The following MAGI1 variants were observed in gnomAD, a reference collection of about 807,000 sequenced individuals.
The protein encoded by MAGI1 is membrane associated guanylate kinase, WW and PDZ domain containing 1, also known as membrane-associated guanylate kinase, WW and PDZ domain-containing protein 1.
In MAGI1, 58 loss-of-function variants were observed where a neutral mutation model predicts 139.9. That is an observed-to-expected ratio of 0.41 (90% CI 0.34 to 0.52). The LOEUF is 0.52. Ranked by LOEUF, MAGI1 falls within the 20% of genes least tolerant of loss-of-function variation. The pLI is 0.12. For missense variants in MAGI1, 1,874 were observed against 1,901.6 expected, an observed-to-expected ratio of 0.99 and a Z score of 0.27; for synonymous variants, 812 against 737.9, an observed-to-expected ratio of 1.10 and a Z score of -1.63.
chr3:65,807,879 T>C (rs1462422698), intron 1 of MAGI1, among the ~76,000 whole-genome samples: 2 of 152,182 alleles, frequency 1.3e-5, no homozygotes, highest in African/African-American at 2.4e-5. Context: ...TTGAGTAAAT[T>C]ATCCAAGATC....
chr3:65,580,317 CCT>C (rs2081359447), intron 2 of MAGI1, among the ~76,000 whole-genome samples: 1 of 109,032 alleles, frequency 9.2e-6, no homozygotes, highest in South Asian at 3.0e-4. Context: ...TCTTTTTTCT[CCT>C]TTTTTTTTTC....
At chr3:65,616,935 C>T (rs1372290443) in intron 2 of MAGI1, among the ~76,000 whole-genome samples, 1 of 152,168 alleles carries the variant, frequency 6.6e-6, no homozygotes, top group Admixed American at 6.6e-5. Flanking sequence ...GGCAAGCCAT[C>T]CTGGAAACAA....
At chr3:65,629,785 C>A (rs559936664) in intron 1 of MAGI1, among the ~76,000 whole-genome samples, 1 of 152,168 alleles carries the variant, frequency 6.6e-6, no homozygotes, top group East Asian at 1.9e-4. Context: ...CAATATAAAT[C>A]ACTGGAGAGT....
chr3:65,429,031 C>T (rs2107333652), intron 12 of MAGI1, among the ~76,000 whole-genome samples: 1 of 152,216 alleles, frequency 6.6e-6, no homozygotes, highest in Middle Eastern at 3.4e-3. Flanking sequence ...AGGAGAGGAA[C>T]ATGAGACAAG....
At chr3:65,376,532 G>A (rs1359972105) in intron 17 of MAGI1, among the ~76,000 whole-genome samples, 1 of 152,188 alleles carries the variant, frequency 6.6e-6, no homozygotes, top group Non-Finnish European at 1.5e-5. Flanking sequence ...CCAGAATGAT[G>A]AAAGCTTTAG....
At chr3:65,401,497 G>A in intron 12 of MAGI1, 27 bp from the exon 13 acceptor site, 5 of 1,609,886 alleles carry the variant, frequency 3.1e-6, no homozygotes, top group East Asian at 2.2e-5. Flanking sequence ...AAGGAGGGGA[G>A]GGGGGAAGAA....
At chr3:66,010,086 A>C (rs1406979222) in intron 1 of MAGI1, among the ~76,000 whole-genome samples, 4 of 145,746 alleles carry the variant, frequency 2.7e-5, no homozygotes, top group African/African-American at 5.4e-5. Context: ...TCAAAAAAAA[A>C]AAAAAAAAAA....
intron 20 of MAGI1, among the ~76,000 whole-genome samples, chr3:65,364,148 G>C (rs1941166124): frequency 7.8e-6 from 1 of 128,092 alleles, no homozygotes; most frequent in Non-Finnish European, 1.6e-5. Context: ...GGGCAGCACA[G>C]TGAGACCCCT....
intron 2 of MAGI1, among the ~76,000 whole-genome samples, chr3:65,568,711 G>A (rs987650085): frequency 6.6e-6 from 1 of 152,210 alleles, no homozygotes; most frequent in African/African-American, 2.4e-5. Flanking sequence ...TTGCTCTAGG[G>A]CTTGAGCCAT....
At chr3:65,916,452 G>T (rs924911371) in intron 1 of MAGI1, among the ~76,000 whole-genome samples, 1 of 152,134 alleles carries the variant, frequency 6.6e-6, no homozygotes. Context: ...CATGGCAGAA[G>T]GCGAAAGGCA....
chr3:65,477,712 T>TTATTATTA (rs72137110), intron 4 of MAGI1, among the ~76,000 whole-genome samples: 64 of 88,666 alleles, frequency 7.2e-4, no homozygotes, highest in East Asian at 4.6e-3. Flanking sequence ...ATTATTATTA[T>TTATTATTA]TTTTTTTTTT....
intron 1 of MAGI1, among the ~76,000 whole-genome samples, chr3:65,744,629 A>G (rs2035544082): frequency 6.6e-6 from 1 of 152,160 alleles, no homozygotes; most frequent in African/African-American, 2.4e-5. Flanking sequence ...GAAGATATAG[A>G]CTATATTATA....
intron 2 of MAGI1, among the ~76,000 whole-genome samples, chr3:65,603,254 C>G (rs1324009430): frequency 1.3e-5 from 2 of 152,006 alleles, no homozygotes; most frequent in African/African-American, 4.8e-5. Context: ...TATATATTTT[C>G]TACAGGTTCA....
At chr3:65,925,478 T>C (rs932671976) in intron 1 of MAGI1, among the ~76,000 whole-genome samples, 1 of 152,200 alleles carries the variant, frequency 6.6e-6, no homozygotes, top group African/African-American at 2.4e-5. Context: ...CATAATTCCC[T>C]GATGCAGAGT....
chr3:65,704,169 T>C (rs550497054), intron 1 of MAGI1, among the ~76,000 whole-genome samples: 1 of 152,338 alleles, frequency 6.6e-6, no homozygotes, highest in South Asian at 2.1e-4. Flanking sequence ...CAAGTCCAGC[T>C]GGCTATCTGT....
chr3:65,633,495 T>C (rs958393084), intron 1 of MAGI1, among the ~76,000 whole-genome samples: 1 of 152,190 alleles, frequency 6.6e-6, no homozygotes, highest in African/African-American at 2.4e-5. Flanking sequence ...ATGAAACATT[T>C]TGCTAGCACT....
intron 1 of MAGI1, among the ~76,000 whole-genome samples, chr3:65,887,389 GAAAA>G (rs11364374): frequency 1.6e-4 from 20 of 121,292 alleles, no homozygotes; most frequent in South Asian, 2.7e-4. Flanking sequence ...ACTGATACCA[GAAAA>G]AAAAAAAAAA....
intron 1 of MAGI1, among the ~76,000 whole-genome samples, chr3:65,989,491 G>A (rs2066051447): frequency 1.3e-5 from 2 of 152,150 alleles, no homozygotes; most frequent in South Asian, 2.1e-4. Flanking sequence ...CATGAGCCAG[G>A]AGTGGTACGT....
chr3:65,385,922 C>G lies in MAGI1; in HGVS notation c.2417-2299G>C, dbSNP rs531623713. Among the ~76,000 whole-genome samples the G allele has an allele frequency of 2.6e-5, 4 of 152,282 alleles. No individual in the cohort carries two copies. The East Asian group carries it at 7.7e-4, about 29-fold the overall frequency. On this transcript the variant is annotated intron_variant, in intron 14 of 22. Coordinates refer to ENST00000402939, the MANE Select transcript of MAGI1 (RefSeq NM_001033057.2). Reference sequence around the variant, plus strand: ...AACAACAAATTAAATCAAGTTGTGTCTCCGTCTTTGAGTCACTCAAGCAAG... The same window carrying G: ...AACAACAAATTAAATCAAGTTGTGTGTCCGTCTTTGAGTCACTCAAGCAAG...
Sources: gnomAD v4.1 joint callset for allele counts (sites outside exome capture counted in the v4.1 genomes callset) on GRCh38, gnomAD v4.1.1 for gene constraint, MANE v1.5 for transcripts, NCBI Gene and HGNC (gene_info 2026-07-23, HGNC 2026-07-21) for gene names.